The following GLIS2 variants were observed in gnomAD, a reference collection of about 807,000 sequenced individuals.
The protein encoded by GLIS2 is GLIS family zinc finger 2.
In GLIS2, 14 loss-of-function variants were observed where a neutral mutation model predicts 35.6. That is an observed-to-expected ratio of 0.39 (90% CI 0.26 to 0.61). The LOEUF is 0.61. Among genes scored for constraint, GLIS2 ranks in the 20% least tolerant of loss-of-function variants. The pLI, the probability that GLIS2 is intolerant of heterozygous loss-of-function variation, is 0.48. For synonymous variants in GLIS2, 368 were observed against 325.1 expected, an observed-to-expected ratio of 1.13 and a Z score of -1.42; for missense variants, 675 against 713.4, an observed-to-expected ratio of 0.95 and a Z score of 0.61.
At position 4,320,300 on chromosome 16, in the gene GLIS2, C is replaced by T. The variant is rs886237285; in HGVS notation, c.-67+4046C>T. Among the ~76,000 whole-genome samples, 4 of 152,106 alleles carry T rather than the reference C, an allele frequency of 2.6e-5. No homozygotes were observed. The highest frequency in any genetic ancestry group is 2.1e-4 in the South Asian group (1 of 4,824). On this transcript the variant is annotated intron_variant, in intron 1 of 6. Transcript: ENST00000433375. The surrounding 1 kb of genome is among the most constrained non-coding windows in gnomAD (Gnocchi z 5.6). Reference sequence around the variant, plus strand: ...TGAGTGGACTGAGTCAGCCCCCGGCCGGGAGCCTCCGGAAAACAGTCCTGC... The same window carrying T: ...TGAGTGGACTGAGTCAGCCCCCGGCTGGGAGCCTCCGGAAAACAGTCCTGC...
At chr16:4,333,058 C>G (rs978662524) in intron 2 of GLIS2, among the ~76,000 whole-genome samples, 1 of 152,172 alleles carries the variant, frequency 6.6e-6, no homozygotes. Flanking sequence ...GCCCTGGGTT[C>G]GAGTCCTGTT....
At chr16:4,336,451 A>G in intron 6 of GLIS2, 1 of 597,322 alleles carries the variant, frequency 1.7e-6, no homozygotes, top group South Asian at 2.0e-5. Flanking sequence ...CCGGCCTCCA[A>G]GGCCATGTTC....
In GLIS2 at chr16:4,330,973, TTTTGTTTG is replaced by T. The variant is rs149627514; in HGVS notation, c.-66-1230_-66-1223del. On this transcript the variant is annotated intron_variant, in intron 1 of 6. Coordinates refer to ENST00000433375, the MANE Select transcript of GLIS2 (RefSeq NM_032575.3). ...AAAAACTGCTTAAAAGCGTTTGGCTTTTTGTTTGTTTGTTTGTTTTTGAGACGGAGTCT... is the reference window on the plus strand; with the variant it reads ...AAAAACTGCTTAAAAGCGTTTGGCTTTTTGTTTGTTTTTGAGACGGAGTCT... Among the ~76,000 whole-genome samples, 5 of 152,014 alleles carry T rather than the reference TTTTGTTTG, an allele frequency of 3.3e-5. No individual in the cohort carries two copies. In the South Asian group the frequency reaches 6.2e-4, roughly 19 times the overall value.
At chr16:4,318,107 C>T (rs535932667) in intron 1 of GLIS2, among the ~76,000 whole-genome samples, 1 of 152,292 alleles carries the variant, frequency 6.6e-6, no homozygotes, top group East Asian at 1.9e-4. Context: ...CAGTGAGTCA[C>T]CCCACTTCCA....
In GLIS2 at chr16:4,333,498, G is replaced by C. The variant is rs2141131492; in HGVS notation, c.324G>C (p.Leu108=). The C allele has an allele frequency of 6.2e-7, 1 of 1,611,528 alleles. No homozygotes were observed. Among genetic ancestry groups the C allele is most frequent in the Non-Finnish European group, 8.5e-7 (1 of 1,179,232 alleles). ...CCGAGCGCCAGGGCAACGGGGACCT[G>C]CCTCCAGTGCCCAGTGCCTCGGTAA... ...LSPERQGNGD[L]PPVPSASDFQ... is the part of the protein sequence containing the mutation. Residue 108 remains leucine (L), a synonymous_variant, in exon 3 of 7, where the codon CTG becomes CTC. Transcript: ENST00000433375.
intron 1 of GLIS2, among the ~76,000 whole-genome samples, chr16:4,322,171 T>G (rs2053385914): frequency 2.1e-5 from 3 of 145,582 alleles, no homozygotes; most frequent in Non-Finnish European, 3.0e-5. Context: ...GGAAGGGGGG[T>G]GCCAAAGGAG....
In GLIS2 at chr16:4,335,397, A is replaced by G. The variant is rs760794928; in HGVS notation, c.775+4A>G. 4.3e-6 allele frequency: 7 copies of G among 1,613,188 alleles called. No individual in the cohort carries two copies. In the South Asian group the frequency reaches 6.6e-5, roughly 15 times the overall value. On this transcript the variant is annotated splice_donor_region_variant and intron_variant, in intron 6 of 6. Transcript: ENST00000433375. The surrounding 1 kb of genome is among the most constrained non-coding windows in gnomAD (Gnocchi z 4.6). ...ATCCACAACCGGTCGCACACAGGTA[A>G]GAGGCCGGGGCCGGGCGGCTTGGCC... is the stretch of plus-strand genomic sequence containing the variant.
chr16:4,332,221 GC>G lies in GLIS2; in HGVS notation c.-59del, dbSNP rs2053504403. The G allele has an allele frequency of 1.3e-6, 2 of 1,583,174 alleles. No homozygotes were observed. Among genetic ancestry groups the G allele is most frequent in the Admixed American group, 1.8e-5 (1 of 56,520 alleles). On this transcript the variant is annotated 5_prime_UTR_variant, in exon 2 of 7. Transcript: ENST00000433375. This position sits in a 1 kb window ranked among gnomAD's most constrained non-coding sequence, Gnocchi z 5.4. Reference sequence around the variant, plus strand: ...AGCTCCTGTCCTTCCCCAGGTTCCTGCGTGAAGACCAGCTGGGAGCCCACTG... The same window carrying G: ...AGCTCCTGTCCTTCCCCAGGTTCCTGGTGAAGACCAGCTGGGAGCCCACTG...
Position 4,339,357 on chromosome 16 carries a change from G to A in GLIS2, c.*1833G>A, listed in dbSNP as rs1392418691. On this transcript the variant is annotated 3_prime_UTR_variant, in exon 7 of 7. Coordinates refer to ENST00000433375, the MANE Select transcript of GLIS2 (RefSeq NM_032575.3). ...CAGCATGCGACTCGGTGACGGACCA[G>A]GCTCGGCAGGGCCGGTGTACTTTTT... 1 of 152,758 alleles carries A rather than the reference G, an allele frequency of 6.5e-6. No homozygotes were observed. The highest frequency in any genetic ancestry group is 1.5e-5 in the Non-Finnish European group (1 of 68,218). 9.5% of individuals were successfully genotyped at this position (152,758 alleles called of 1,614,324 possible).
At position 4,337,943 on chromosome 16, in the gene GLIS2, T is replaced by G; in HGVS notation, c.*419T>G. On this transcript the variant is annotated 3_prime_UTR_variant, in exon 7 of 7. Transcript: ENST00000433375. Reference sequence around the variant, plus strand: ...CTCCCTGCTAGCACCAGGCTCCCCCTTCCTGAGAGGAGCCCCCAGGGACCA... The same window carrying G: ...CTCCCTGCTAGCACCAGGCTCCCCCGTCCTGAGAGGAGCCCCCAGGGACCA... 4 of 330,068 alleles carry G rather than the reference T, an allele frequency of 1.2e-5. No homozygotes were observed. Among genetic ancestry groups the G allele is most frequent in the East Asian group, 7.6e-5 (1 of 13,160 alleles). The allele number at this position is 330,068 out of a possible 1,614,324, so 20.4% of individuals were successfully genotyped here.
rs2053308709 is a variant in GLIS2 at position 4,316,199 on chromosome 16, G to T, written c.-122G>T. On this transcript the variant is annotated 5_prime_UTR_variant, in exon 1 of 7. Coordinates refer to ENST00000433375, the MANE Select transcript of GLIS2 (RefSeq NM_032575.3). ...CGGCCCCTCCCCCGCTCGGCTCCCC[G>T]CGCCCCCCGACCGCCGGAGCCCGCA... Among the ~76,000 whole-genome samples, 7 of 141,124 alleles carry T rather than the reference G, an allele frequency of 5.0e-5. No homozygotes were observed. The highest frequency in any genetic ancestry group is 4.9e-4 in the Admixed American group (7 of 14,400). 92.6% of individuals were successfully genotyped at this position (141,124 alleles called of 152,430 possible). A position where few individuals can be genotyped will look rare whatever the true frequency, so the allele number is the denominator to read the frequency against.
At chr16:4,322,733 G>A (rs74445470) in intron 1 of GLIS2, among the ~76,000 whole-genome samples, 4,334 of 152,014 alleles carry the variant, frequency 0.029, 81 homozygotes, top group Middle Eastern at 0.048. Flanking sequence ...TTGGAGAACC[G>A]AGGCAGGAGG....
chr16:4,320,361 C>T lies in GLIS2; in HGVS notation c.-67+4107C>T, dbSNP rs1475894688. ...GAGGGTCCCCACCGCTGGCACAGCA[C>T]GCTCCCAGGGCAGCCTCGCTTGGAC... On this transcript the variant is annotated intron_variant, in intron 1 of 6. Transcript: ENST00000433375. This position sits in a 1 kb window ranked among gnomAD's most constrained non-coding sequence, Gnocchi z 5.6. Among the ~76,000 whole-genome samples the T allele has an allele frequency of 1.3e-5, 2 of 152,054 alleles. No homozygotes were observed. Among genetic ancestry groups the T allele is most frequent in the East Asian group, 1.9e-4 (1 of 5,184 alleles).
At chr16:4,330,040 G>T in intron 1 of GLIS2, among the ~76,000 whole-genome samples, 1 of 152,200 alleles carries the variant, frequency 6.6e-6, no homozygotes, top group East Asian at 1.9e-4. Flanking sequence ...ACTTTGGGAG[G>T]CCGAGGTGGG....
chr16:4,316,298 G>C (rs1419481859), intron 1 of GLIS2, among the ~76,000 whole-genome samples, 44 bp downstream of exon 1: 1 of 131,168 alleles, frequency 7.6e-6, no homozygotes, highest in Non-Finnish European at 1.6e-5. Context: ...CCGGGCCGGG[G>C]CGGGGGGGGG....
chr16:4,329,580 C>T (rs1305222508), intron 1 of GLIS2, among the ~76,000 whole-genome samples: 1 of 152,122 alleles, frequency 6.6e-6, no homozygotes, highest in Admixed American at 6.5e-5. Flanking sequence ...CCATTTTATG[C>T]CCTACTTGCT....
In GLIS2 at chr16:4,335,534, C is replaced by G; in HGVS notation, c.775+141C>G. On this transcript the variant is annotated intron_variant, in intron 6 of 6. Coordinates refer to ENST00000433375, the MANE Select transcript of GLIS2 (RefSeq NM_032575.3). The surrounding 1 kb of genome is among the most constrained non-coding windows in gnomAD (Gnocchi z 4.6). ...GGTTGATGTCATCGCCCAGGGGTCC[C>G]TTTTCCAATGCAGTTTGCTAGGGGA... 1.3e-6 allele frequency: 1 copy of G among 759,580 alleles called. No homozygotes were observed. The highest frequency in any genetic ancestry group is 2.2e-6 in the Non-Finnish European group (1 of 460,082). 47.1% of individuals were successfully genotyped at this position (759,580 alleles called of 1,614,324 possible).
chr16:4,327,428 A>G (rs2053443929), intron 1 of GLIS2, among the ~76,000 whole-genome samples: 1 of 152,052 alleles, frequency 6.6e-6, no homozygotes. Flanking sequence ...CCTGGAAGAG[A>G]CTGTCTTTTC....
In GLIS2 at chr16:4,338,349, T is replaced by C. The variant is rs1253845410; in HGVS notation, c.*825T>C. 1.3e-5 allele frequency: 2 copies of C among 152,314 alleles called. No individual in the cohort carries two copies. The highest frequency in any genetic ancestry group is 4.8e-5 in the African/African-American group (2 of 41,468). The allele number at this position is 152,314 out of a possible 1,614,324, so 9.4% of individuals were successfully genotyped here. A position where few individuals can be genotyped will look rare whatever the true frequency, so the allele number is the denominator to read the frequency against. On this transcript the variant is annotated 3_prime_UTR_variant, in exon 7 of 7. Coordinates refer to ENST00000433375, the MANE Select transcript of GLIS2 (RefSeq NM_032575.3). Reference sequence around the variant, plus strand: ...CCAAGATACTGAGTGACCTGGGCCCTGGCTCAGGGAGCATGTGGGGCCAGG... The same window carrying C: ...CCAAGATACTGAGTGACCTGGGCCCCGGCTCAGGGAGCATGTGGGGCCAGG...
Sources: allele counts gnomAD v4.1 joint callset (sites outside exome capture counted in the v4.1 genomes callset), GRCh38; gene constraint gnomAD v4.1.1; non-coding constraint Gnocchi (gnomAD v3.1); transcripts MANE v1.5; gene names NCBI Gene and HGNC (gene_info 2026-07-23, HGNC 2026-07-21).